Variants in NR2F1 observed in about 807,000 individuals in gnomAD.
The protein encoded by NR2F1 is nuclear receptor subfamily 2 group F member 1.
In NR2F1, 1 loss-of-function variant was observed where a neutral mutation model predicts 37.7. The ratio of observed to expected loss-of-function variants is 0.03; its 90% CI spans 0.01 to 0.13. The LOEUF (loss-of-function observed/expected upper bound fraction) is 0.13, where lower values mean the gene tolerates loss of function less well. Among genes scored for constraint, NR2F1 ranks in the 10% least tolerant of loss-of-function variants. NR2F1 has a pLI of 1.00. For synonymous variants in NR2F1, 275 were observed against 259.6 expected (o/e 1.06, Z -0.57); for missense variants, 268 against 578.4 (o/e 0.46, Z 5.50).
At chr5:93,592,370 G>GT (rs923487862) in intron 2 of NR2F1, among the ~76,000 whole-genome samples, 58 of 151,254 alleles carry the variant, frequency 3.8e-4, no homozygotes, top group Admixed American at 7.2e-4. Flanking sequence ...GATCTTACTG[G>GT]TTTTTTTTTA....
chr5:93,584,832 C>T lies in NR2F1; in HGVS notation c.-192C>T. The T allele has an allele frequency of 6.4e-6, 1 of 156,178 alleles. No homozygotes were observed. Among genetic ancestry groups the T allele is most frequent in the Non-Finnish European group, 1.4e-5 (1 of 72,194 alleles). 9.7% of individuals were successfully genotyped at this position (156,178 alleles called of 1,614,324 possible). On this transcript the variant is annotated 5_prime_UTR_variant, in exon 1 of 3. Transcript: ENST00000327111. ...GCGGCCGAGGCAGTAGCGGCGGCAG[C>T]GGCGGCGGCGGCGGAGGCAGCGGCC... is the stretch of plus-strand genomic sequence containing the variant.
chr5:93,587,591 T>G, intron 1 of NR2F1: 1 of 295,690 alleles, frequency 3.4e-6, no homozygotes, highest in Non-Finnish European at 6.2e-6. Context: ...GTTTCATTTA[T>G]CTGTGTGTTC....
In NR2F1 at chr5:93,584,830, A is replaced by C; in HGVS notation, c.-194A>C. On this transcript the variant is annotated 5_prime_UTR_variant, in exon 1 of 3. Transcript: ENST00000327111. ...GGGCGGCCGAGGCAGTAGCGGCGGC[A>C]GCGGCGGCGGCGGCGGAGGCAGCGG... 6.4e-6 allele frequency: 1 copy of C among 156,476 alleles called. No homozygotes were observed. Among genetic ancestry groups the C allele is most frequent in the Non-Finnish European group, 1.4e-5 (1 of 72,718 alleles). The allele number at this position is 156,476 out of a possible 1,614,324, so 9.7% of individuals were successfully genotyped here.
rs1753265559 is a variant in NR2F1 at position 93,588,227 on chromosome 5, G to A, written c.774G>A (p.Glu258=). 6.2e-7 allele frequency: 1 copy of A among 1,613,880 alleles called. No individual in the cohort carries two copies. The highest frequency in any genetic ancestry group is 8.5e-7 in the Non-Finnish European group (1 of 1,180,008). ...QVSLLRLTWS[E]LFVLNAAQCS... ...CCCTGCTACGCCTCACCTGGAGCGA[G>A]CTGTTCGTGCTCAACGCGGCCCAGT... Residue 258 remains glutamate (E), a synonymous_variant, in exon 2 of 3, where the codon GAG becomes GAA. Transcript: ENST00000327111.
intron 2 of NR2F1, among the ~76,000 whole-genome samples, 160 bp downstream of exon 2, chr5:93,588,604 T>A (rs1255501929): frequency 2.0e-5 from 3 of 148,772 alleles, no homozygotes; most frequent in African/African-American, 7.3e-5. Flanking sequence ...CCCCGCGCGG[T>A]GACCGGCTGG....
chr5:93,585,226 G>A lies in NR2F1; in HGVS notation c.203G>A (p.Gly68Glu). Reference protein sequence around the residue: ...PGAPATPGTAGDKGQGPPGSG... With the variant: ...PGAPATPGTAEDKGQGPPGSG... ...GCGCCCGCCACCCCCGGCACGGCGG[G>A]GGACAAGGGCCAGGGCCCGCCCGGT... is the stretch of plus-strand genomic sequence containing the variant. Residue 68 changes from glycine to glutamate, a missense_variant, in exon 1 of 3, where the codon GGG becomes GAG. Physicochemically the swap from Gly to Glu is moderately conservative, Grantham distance 98. Around this residue, in one of 5 missense-constraint regions of NR2F1, gnomAD observed 90 missense variants for 106.5 expected, o/e 0.85. Coordinates refer to ENST00000327111, the MANE Select transcript of NR2F1 (RefSeq NM_005654.6). The A allele has an allele frequency of 1.3e-6, 2 of 1,550,116 alleles. No homozygotes were observed.
At chr5:93,588,803 GTGTGTGTGTCTCTGTGTGTGTGTC>G (rs1561525387) in intron 2 of NR2F1, among the ~76,000 whole-genome samples, 1 of 151,782 alleles carries the variant, frequency 6.6e-6, no homozygotes, top group Non-Finnish European at 1.5e-5. Flanking sequence ...GTGTGTGTGT[GTGTGTGTGTCTCTGTGTGTGTGTC>G]TGTGTGTGGT....
intron 2 of NR2F1, among the ~76,000 whole-genome samples, chr5:93,592,400 G>T (rs1394758016): frequency 2.0e-5 from 3 of 151,968 alleles, no homozygotes; most frequent in Non-Finnish European, 4.4e-5. Context: ...ATTAATATAA[G>T]AAACAAGTGG....
At chr5:93,588,709 A>C (rs944291394) in intron 2 of NR2F1, among the ~76,000 whole-genome samples, 38 of 150,568 alleles carry the variant, frequency 2.5e-4, no homozygotes, top group Non-Finnish European at 3.4e-4. Flanking sequence ...CCGGACCCCT[A>C]CGTGGGGCCG....
At chr5:93,585,682 C>G (rs1046973168) in intron 1 of NR2F1, 196 bp downstream of exon 1, 3 of 584,438 alleles carry the variant, frequency 5.1e-6, no homozygotes, top group East Asian at 2.8e-5. Flanking sequence ...CTGCCTCCCC[C>G]TCCCGGCCTG....
chr5:93,585,359 G>A lies in NR2F1; in HGVS notation c.336G>A (p.Arg112=), dbSNP rs892309700. The change falls in exon 1 of 3, where the codon AGG becomes AGA. Residue 112 remains arginine (R), a synonymous_variant. Coordinates refer to ENST00000327111, the MANE Select transcript of NR2F1 (RefSeq NM_005654.6). ...AGGGCTGCAAAAGTTTCTTCAAGAG[G>A]AGCGTCCGCAGGAACTTAACTTACA... ...TCEGCKSFFK[R]SVRRNLTYTC... is the part of the protein sequence containing the mutation. 2 of 1,614,020 alleles carry A rather than the reference G, an allele frequency of 1.2e-6. No individual in the cohort carries two copies.
rs371999145 is a variant in NR2F1, at chr5:93,585,308, C to A, written c.285C>A (p.Gly95=). Residue 95 remains glycine (G), a synonymous_variant, in exon 1 of 3, where the codon GGC becomes GGA. Transcript: ENST00000327111. ...TGGTGTGCGGGGACAAGTCGAGCGG[C>A]AAGCACTACGGCCAATTCACCTGCG... The part of the protein sequence containing the change: ...ECVVCGDKSS[G]KHYGQFTCEG... 6.2e-7 allele frequency: 1 copy of A among 1,611,532 alleles called. No individual in the cohort carries two copies. Among genetic ancestry groups the A allele is most frequent in the African/African-American group, 1.3e-5 (1 of 74,968 alleles).
rs1753268485 is a variant in NR2F1 at position 93,588,413 on chromosome 5, C to T, written c.960C>T (p.Ser320=). 10 of 1,611,116 alleles carry T rather than the reference C, an allele frequency of 6.2e-6. No homozygotes were observed. The highest frequency in any genetic ancestry group is 8.5e-6 in the Non-Finnish European group (10 of 1,178,650). Residue 320 remains serine (S), a synonymous_variant, in exon 2 of 3, where the codon AGC becomes AGT. Coordinates refer to ENST00000327111, the MANE Select transcript of NR2F1 (RefSeq NM_005654.6). ...TACACGTCGACTCAGCCGAGTACAG[C>T]TGCCTCAAAGCCATCGTGCTGTTCA... ...KALHVDSAEY[S]CLKAIVLFTS...
intron 2 of NR2F1, 42 bp downstream of exon 2, chr5:93,588,486 G>C: frequency 1.4e-6 from 2 of 1,436,074 alleles, no homozygotes; most frequent in Non-Finnish European, 1.8e-6. Flanking sequence ...CGCCGGCAGC[G>C]AGCGCAGGCC....
chr5:93,588,456 GT>G lies in NR2F1; in HGVS notation c.991+13del. On this transcript the variant is annotated intron_variant, in intron 2 of 2. Coordinates refer to ENST00000327111, the MANE Select transcript of NR2F1 (RefSeq NM_005654.6). ...GCTGTTCACGTCAGGTGAGGCTGCG[GT>G]CGCGGGGAGGGCAGGCCGCGCCGGC... is the stretch of plus-strand genomic sequence containing the variant. The G allele has an allele frequency of 1.3e-6, 2 of 1,551,666 alleles. No homozygotes were observed. Among genetic ancestry groups the G allele is most frequent in the Admixed American group, 1.8e-5 (1 of 54,478 alleles).
At chr5:93,587,777 G>T in intron 1 of NR2F1, 140 bp from the exon 2 acceptor site, 1 of 862,682 alleles carries the variant, frequency 1.2e-6, no homozygotes. Context: ...TGTGGACTGT[G>T]AGAGCGAGCC....
chr5:93,588,371 G>A lies in NR2F1; in HGVS notation c.918G>A (p.Val306=), dbSNP rs891380228. 1 of 1,612,880 alleles carries A rather than the reference G, an allele frequency of 6.2e-7. No individual in the cohort carries two copies. Among genetic ancestry groups the A allele is most frequent in the African/African-American group, 1.3e-5 (1 of 74,918 alleles). The change falls in exon 2 of 3, where the codon GTG becomes GTA. Residue 306 remains valine, a synonymous_variant. Transcript: ENST00000327111. ...MDHIRIFQEQ[V]EKLKALHVDS... is the part of the protein sequence containing the mutation. ...ACATCCGCATCTTCCAGGAGCAGGT[G>A]GAGAAGCTCAAGGCGCTACACGTCG...
At chr5:93,587,041 A>T (rs1753244614) in intron 1 of NR2F1, 2 of 92,602 alleles carry the variant, frequency 2.2e-5, no homozygotes, top group East Asian at 3.2e-4. Flanking sequence ...TACACATTTA[A>T]AAAAAAAAAA....
At chr5:93,589,222 A>C (rs1753289914) in intron 2 of NR2F1, among the ~76,000 whole-genome samples, 1 of 152,220 alleles carries the variant, frequency 6.6e-6, no homozygotes, top group Non-Finnish European at 1.5e-5. Flanking sequence ...GAAATTTAAG[A>C]GTGCCTTAAA....
Sources: gnomAD v4.1 joint callset for allele counts (sites outside exome capture counted in the v4.1 genomes callset) on GRCh38, gnomAD v4.1.1 for gene constraint, gnomAD v4.1.1 regional missense constraint, MANE v1.5 for transcripts, NCBI Gene and HGNC (gene_info 2026-07-23, HGNC 2026-07-21) for gene names.